The following SGCD variants were observed in gnomAD, a reference collection of about 807,000 sequenced individuals.
SGCD encodes the protein sarcoglycan delta, also known as delta-sarcoglycan.
Under a neutral mutation model 36.6 loss-of-function variants are expected in SGCD, and 18 were observed. The observed-to-expected ratio is 0.49, with a 90% confidence interval of 0.34 to 0.73. SGCD has a LOEUF of 0.73. Ranked by LOEUF, SGCD falls within the 30% of genes least tolerant of loss-of-function variation. The pLI is 0.01. For synonymous variants in SGCD, 133 were observed against 130.6 expected, an observed-to-expected ratio of 1.02 and a Z score of -0.12; for missense variants, 387 against 346.7, an observed-to-expected ratio of 1.12 and a Z score of -0.92.
the SGCD span, among the ~76,000 whole-genome samples, chr5:155,817,816 G>T: frequency 1.3e-5 from 2 of 152,082 alleles, no homozygotes; most frequent in African/African-American, 2.4e-5. Context: ...ACTTTCTTAG[G>T]CTCTTTACTT....
chr5:156,240,331 C>A (rs939653891), intron 3 of SGCD, among the ~76,000 whole-genome samples: 1 of 152,104 alleles, frequency 6.6e-6, no homozygotes, highest in Non-Finnish European at 1.5e-5. Flanking sequence ...AAGCTGTTTT[C>A]TGTTGATCAA....
intron 3 of SGCD, among the ~76,000 whole-genome samples, chr5:156,280,817 T>C (rs1766435096): frequency 6.6e-6 from 1 of 152,172 alleles, no homozygotes; most frequent in Non-Finnish European, 1.5e-5. Flanking sequence ...TGGACCCAAT[T>C]TCTACCCATT....
rs141686957 is a variant in SGCD, at chr5:156,429,278, T to C, written c.193-79323T>C. 1.8e-4 allele frequency among the ~76,000 whole-genome samples: 28 copies of C among 151,790 alleles called. No homozygotes were observed. The East Asian group carries it at 5.2e-3, about 28-fold the overall frequency. ...GTCCCTCATTGTCTTTTTTTTTTTT[T>C]TTTTACTGTTCTTGCTTTAAAGTCT... On this transcript the variant is annotated intron_variant, in intron 3 of 8. Transcript: ENST00000337851.
chr5:155,893,144 C>A (rs980096201), intron 1 of SGCD, among the ~76,000 whole-genome samples: 4 of 151,910 alleles, frequency 2.6e-5, no homozygotes, highest in Admixed American at 2.0e-4. Context: ...ACAAAGACAC[C>A]GTAAATGTTT....
intron 3 of SGCD, among the ~76,000 whole-genome samples, chr5:156,345,641 CA>C (rs1768902699): frequency 6.6e-6 from 1 of 152,068 alleles, no homozygotes; most frequent in African/African-American, 2.4e-5. Flanking sequence ...GCCTGGGAAA[CA>C]TAGCAAGACC....
chr5:156,293,714 G>T (rs543449530), intron 3 of SGCD, among the ~76,000 whole-genome samples: 1 of 152,122 alleles, frequency 6.6e-6, no homozygotes, highest in South Asian at 2.1e-4. Flanking sequence ...TGATTATTGA[G>T]GCTTGGTAGT....
At chr5:155,850,844 C>G in the SGCD span, among the ~76,000 whole-genome samples, 3 of 152,166 alleles carry the variant, frequency 2.0e-5, no homozygotes, top group African/African-American at 7.2e-5. Flanking sequence ...TTCCTGCCTT[C>G]AGGGAAGTCT....
At chr5:156,201,677 G>C (rs1379140453) in intron 3 of SGCD, among the ~76,000 whole-genome samples, 1 of 151,496 alleles carries the variant, frequency 6.6e-6, no homozygotes, top group Non-Finnish European at 1.5e-5. Context: ...TCGAATGAAT[G>C]CCTCATGCTG....
chr5:156,560,610 C>G (rs190793337), intron 4 of SGCD, among the ~76,000 whole-genome samples: 109 of 152,222 alleles, frequency 7.2e-4, no homozygotes, highest in Middle Eastern at 6.8e-3. Context: ...AATTTACAAC[C>G]CGTTAGTAAG....
At chr5:155,962,129 G>A (rs1391663093) in intron 1 of SGCD, among the ~76,000 whole-genome samples, 3 of 152,026 alleles carry the variant, frequency 2.0e-5, no homozygotes, top group African/African-American at 7.2e-5. Context: ...TCTATGCATA[G>A]TTACATAGCA....
intron 1 of SGCD, among the ~76,000 whole-genome samples, chr5:155,952,639 T>A (rs1490518289): frequency 6.6e-6 from 1 of 152,182 alleles, no homozygotes; most frequent in African/African-American, 2.4e-5. Flanking sequence ...ATCCTGGCGC[T>A]GTAATGAAAT....
At chr5:156,522,011 A>T (rs895447225) in intron 4 of SGCD, among the ~76,000 whole-genome samples, 3 of 152,234 alleles carry the variant, frequency 2.0e-5, no homozygotes, top group African/African-American at 7.2e-5. Flanking sequence ...AATACTATGC[A>T]GCCATAAAAA....
At chr5:155,789,349 G>C in the SGCD span, among the ~76,000 whole-genome samples, 1 of 152,130 alleles carries the variant, frequency 6.6e-6, no homozygotes, top group South Asian at 2.1e-4. Flanking sequence ...AACTAATTTT[G>C]CAGCTTTAGG....
At chr5:156,289,914 A>C (rs1766712260) in intron 3 of SGCD, among the ~76,000 whole-genome samples, 2 of 152,126 alleles carry the variant, frequency 1.3e-5, no homozygotes, top group Non-Finnish European at 2.9e-5. Context: ...ATATATAGGT[A>C]ATAATACTGA....
In SGCD at chr5:156,313,255, TA is replaced by T. The variant is rs200181577; in HGVS notation, c.-43-16275del. 7.9e-3 allele frequency among the ~76,000 whole-genome samples: 1,198 copies of T among 152,260 alleles called. 15 individuals are homozygous for T. Among genetic ancestry groups the T allele is most frequent in the African/African-American group, 0.027 (1,139 of 41,570 alleles). The stretch of plus-strand genomic sequence containing the variant: ...AAAAAAAAGCCTGTATCTTTCATCT[TA>T]AAAGCTGTGAAGACATTTCTCTTAA... On this transcript the variant is annotated intron_variant, in intron 3 of 9. Transcript: ENST00000517913.
chr5:156,704,735 T>C (rs1754671026), intron 7 of SGCD, among the ~76,000 whole-genome samples: 1 of 152,184 alleles, frequency 6.6e-6, no homozygotes, highest in Non-Finnish European at 1.5e-5. Flanking sequence ...TATATTGCTT[T>C]AAATTTTGGT....
intron 3 of SGCD, among the ~76,000 whole-genome samples, chr5:156,453,267 G>A (rs1198619510): frequency 6.6e-6 from 1 of 152,186 alleles, no homozygotes; most frequent in Non-Finnish European, 1.5e-5. Context: ...TGTCCCGCTA[G>A]TGTAGAGCAA....
chr5:156,524,712 G>C (rs1383970883), intron 4 of SGCD, among the ~76,000 whole-genome samples: 2 of 151,908 alleles, frequency 1.3e-5, no homozygotes, highest in African/African-American at 4.8e-5. Flanking sequence ...ATAAATGAAA[G>C]TGTGTACTCT....
Position 156,590,150 on chromosome 5 carries a change from C to T in SGCD, c.382+832C>T, listed in dbSNP as rs185314087. On this transcript the variant is annotated intron_variant, in intron 5 of 8. Transcript: ENST00000337851. ...GCTTCAGGGCTAAAAGTAAAGTATACGGATGGACATTTTGAGAAGCCAGTT... is the reference window on the plus strand; with the variant it reads ...GCTTCAGGGCTAAAAGTAAAGTATATGGATGGACATTTTGAGAAGCCAGTT... Among the ~76,000 whole-genome samples, 288 of 152,256 alleles carry T rather than the reference C, an allele frequency of 1.9e-3. 3 individuals are homozygous for T. Among genetic ancestry groups the T allele is most frequent in the Admixed American group, 3.3e-3 (50 of 15,302 alleles).
Sources: gnomAD v4.1 joint callset for allele counts (sites outside exome capture counted in the v4.1 genomes callset) on GRCh38, gnomAD v4.1.1 for gene constraint, MANE v1.5 for transcripts, NCBI Gene and HGNC (gene_info 2026-07-23, HGNC 2026-07-21) for gene names.